ENTREP2: variants seen among roughly 807,000 people sequenced by gnomAD.
The protein encoded by ENTREP2 is protein ENTREP2.
At chr15:29,376,214 T>C in the ENTREP2 span, 132 of 152,298 alleles carry the variant, frequency 8.7e-4, no homozygotes, top group African/African-American at 2.8e-3. Flanking sequence ...TAATCTAATA[T>C]CCAGTTCAGT....
chr15:29,156,351 AT>A, the ENTREP2 span, among the ~76,000 whole-genome samples: 1 of 150,578 alleles, frequency 6.6e-6, no homozygotes, highest in Admixed American at 6.6e-5. Context: ...TGGCTGGCTA[AT>A]TTTTTTTGTA....
the ENTREP2 span, among the ~76,000 whole-genome samples, chr15:29,575,512 C>T: frequency 6.6e-6 from 1 of 151,930 alleles, no homozygotes; most frequent in East Asian, 1.9e-4. Context: ...TCAGCCAGAA[C>T]AATTAGACAA....
chr15:29,259,519 G>A, the ENTREP2 span, among the ~76,000 whole-genome samples: 9 of 152,164 alleles, frequency 5.9e-5, no homozygotes, highest in African/African-American at 2.2e-4. Flanking sequence ...ATCTGTGGGA[G>A]GGTAGGAGCC....
At chr15:29,140,837 G>C in the ENTREP2 span, among the ~76,000 whole-genome samples, 2 of 152,188 alleles carry the variant, frequency 1.3e-5, no homozygotes, top group African/African-American at 4.8e-5. Flanking sequence ...TCTTTCCCAG[G>C]TGGCTCTGTT....
the ENTREP2 span, among the ~76,000 whole-genome samples, chr15:29,386,271 A>T: frequency 1.3e-5 from 2 of 152,164 alleles, no homozygotes; most frequent in African/African-American, 4.8e-5. Context: ...ACTCTGTAAC[A>T]CACACCCACT....
the ENTREP2 span, among the ~76,000 whole-genome samples, chr15:29,151,397 G>A: frequency 3.9e-4 from 59 of 152,270 alleles, no homozygotes; most frequent in Non-Finnish European, 6.6e-4. Context: ...TCTGAAGCCC[G>A]AGGAAGGCAC....
At chr15:29,516,349 A>C in the ENTREP2 span, among the ~76,000 whole-genome samples, 2 of 152,342 alleles carry the variant, frequency 1.3e-5, no homozygotes, top group East Asian at 3.9e-4. Context: ...ATGGAATAGA[A>C]TGTCCACAGC....
At chr15:29,193,769 G>A in the ENTREP2 span, among the ~76,000 whole-genome samples, 2 of 152,138 alleles carry the variant, frequency 1.3e-5, no homozygotes, top group Non-Finnish European at 2.9e-5. Context: ...CTGCAAAAGA[G>A]CTACCAGAAC....
At chr15:29,493,522 C>T in the ENTREP2 span, among the ~76,000 whole-genome samples, 7,318 of 152,202 alleles carry the variant, frequency 0.048, 554 homozygotes, top group African/African-American at 0.17. Flanking sequence ...CATTCTCAGG[C>T]AGAAGGATCA....
the ENTREP2 span, among the ~76,000 whole-genome samples, chr15:29,450,603 C>G: frequency 6.6e-6 from 1 of 152,166 alleles, no homozygotes; most frequent in African/African-American, 2.4e-5. Flanking sequence ...GCCCAGCAAT[C>G]CTAGTACTGA....
At chr15:29,206,953 T>C in the ENTREP2 span, among the ~76,000 whole-genome samples, 2 of 152,268 alleles carry the variant, frequency 1.3e-5, no homozygotes, top group African/African-American at 4.8e-5. Context: ...CAATCAAAAC[T>C]ACCTTCACCA....
chr15:29,667,675 A>T, the ENTREP2 span, among the ~76,000 whole-genome samples: 7,178 of 149,934 alleles, frequency 0.048, 520 homozygotes, highest in African/African-American at 0.16. Context: ...TGTATTTTTT[A>T]AGTAGAGACA....
At chr15:29,529,462 AC>A in the ENTREP2 span, among the ~76,000 whole-genome samples, 1 of 151,870 alleles carries the variant, frequency 6.6e-6, no homozygotes, top group Non-Finnish European at 1.5e-5. Flanking sequence ...GTTGTCTGGT[AC>A]CTGGCTCTGA....
the ENTREP2 span, among the ~76,000 whole-genome samples, chr15:29,216,801 G>A: frequency 6.6e-6 from 1 of 152,010 alleles, no homozygotes; most frequent in African/African-American, 2.4e-5. Flanking sequence ...GTAAAAAGAT[G>A]TAAATTAAAA....
the ENTREP2 span, among the ~76,000 whole-genome samples, chr15:29,525,121 C>T: frequency 2.0e-3 from 310 of 152,252 alleles, 1 homozygote; most frequent in African/African-American, 7.1e-3. Flanking sequence ...AATTCTTAGT[C>T]GGCCTAGGAA....
the ENTREP2 span, among the ~76,000 whole-genome samples, chr15:29,591,415 G>T: frequency 2.0e-5 from 3 of 152,166 alleles, no homozygotes; most frequent in African/African-American, 7.2e-5. Context: ...CATATGTAGG[G>T]CAGTGACCCC....
the ENTREP2 span, among the ~76,000 whole-genome samples, chr15:29,246,960 G>A: frequency 1.5e-5 from 2 of 134,430 alleles, no homozygotes; most frequent in African/African-American, 5.5e-5. Context: ...ATGTGCAGAT[G>A]ATGACTGGAA....
chr15:29,159,988 G>T, the ENTREP2 span, among the ~76,000 whole-genome samples: 1 of 152,262 alleles, frequency 6.6e-6, no homozygotes, highest in East Asian at 1.9e-4. Context: ...CGCTCGCCCG[G>T]GAGGCTCGGG....
At chr15:29,622,944 T>C in the ENTREP2 span, among the ~76,000 whole-genome samples, 1 of 152,236 alleles carries the variant, frequency 6.6e-6, no homozygotes, top group Middle Eastern at 3.4e-3. Flanking sequence ...AGAACTTCCT[T>C]TGGGAAGCTG....
Sources: allele counts gnomAD v4.1 joint callset (sites outside exome capture counted in the v4.1 genomes callset), GRCh38; gene constraint gnomAD v4.1.1; transcripts MANE v1.5; gene names NCBI Gene and HGNC (gene_info 2026-07-23, HGNC 2026-07-21).